ANKRD62: variants seen among roughly 807,000 people sequenced by gnomAD.
ANKRD62 encodes the protein ankyrin repeat domain-containing protein 62.
In ANKRD62, 61 loss-of-function variants were observed where a neutral mutation model predicts 98.8. The ratio of observed to expected loss-of-function variants is 0.62; its 90% confidence interval spans 0.50 to 0.76. The LOEUF (loss-of-function observed/expected upper bound fraction) is 0.76. Ranked by LOEUF, ANKRD62 falls within the 30% of genes least tolerant of loss-of-function variation. The pLI, the probability that ANKRD62 is intolerant of heterozygous loss-of-function variation, is 0.00. For synonymous variants in ANKRD62, 341 were observed against 367.9 expected, an observed-to-expected ratio of 0.93 and a Z score of 0.84; for missense variants, 933 against 1,082.9, an observed-to-expected ratio of 0.86 and a Z score of 1.94.
the ANKRD62 span, among the ~76,000 whole-genome samples, chr18:12,150,872 A>G: frequency 7.2e-5 from 11 of 152,178 alleles, no homozygotes; most frequent in East Asian, 3.9e-4. Flanking sequence ...CACTGACACT[A>G]TAAAGCAAGC....
At chr18:12,133,591 G>C (rs1443813532), downstream of ANKRD62, among the ~76,000 whole-genome samples, 1 of 152,076 alleles carries the variant, frequency 6.6e-6, no homozygotes, top group Non-Finnish European at 1.5e-5. Context: ...GGTGTGAAGT[G>C]GTACCTCATT....
At chr18:12,171,092 A>G in the ANKRD62 span, among the ~76,000 whole-genome samples, 1 of 151,916 alleles carries the variant, frequency 6.6e-6, no homozygotes, top group African/African-American at 2.4e-5. Flanking sequence ...TCTTTATGCA[A>G]TTTGCCAGTC....
At chr18:12,171,954 G>T in the ANKRD62 span, among the ~76,000 whole-genome samples, 1 of 152,218 alleles carries the variant, frequency 6.6e-6, no homozygotes, top group East Asian at 1.9e-4. Flanking sequence ...CATGTATCAC[G>T]TGGTTCTCAT....
chr18:12,173,392 A>G, the ANKRD62 span, among the ~76,000 whole-genome samples: 1 of 152,124 alleles, frequency 6.6e-6, no homozygotes, highest in African/African-American at 2.4e-5. Flanking sequence ...GTGTCATTGC[A>G]TGTGAAATCT....
the ANKRD62 span, among the ~76,000 whole-genome samples, chr18:12,165,624 T>A: frequency 6.6e-6 from 1 of 152,056 alleles, no homozygotes; most frequent in Non-Finnish European, 1.5e-5. Flanking sequence ...TGAGAAGTTG[T>A]GGTTATTGAT....
chr18:12,134,702 A>T (rs996935429), downstream of ANKRD62, among the ~76,000 whole-genome samples: 6 of 152,056 alleles, frequency 3.9e-5, no homozygotes, highest in African/African-American at 1.4e-4. Flanking sequence ...AAGGACATGA[A>T]CTCATCCTTT....
At chr18:12,166,926 A>C in the ANKRD62 span, among the ~76,000 whole-genome samples, 1 of 149,832 alleles carries the variant, frequency 6.7e-6, no homozygotes, top group Non-Finnish European at 1.5e-5. Context: ...CCCTGTGTCC[A>C]GGTGTTCTCA....
At chr18:12,106,387 G>T (rs1003429517) in intron 7 of ANKRD62, among the ~76,000 whole-genome samples, 1 of 152,122 alleles carries the variant, frequency 6.6e-6, no homozygotes, top group African/African-American at 2.4e-5. Flanking sequence ...ATCTTAAAAA[G>T]TAAAAGTAGA....
At chr18:12,141,446 T>C in the ANKRD62 span, among the ~76,000 whole-genome samples, 4 of 152,336 alleles carry the variant, frequency 2.6e-5, no homozygotes, top group Middle Eastern at 3.4e-3. Context: ...CTGGGAGCTG[T>C]AGACTTTGTG....
chr18:12,113,960 T>TAAA (rs1220481092), intron 8 of ANKRD62, among the ~76,000 whole-genome samples: 3 of 152,138 alleles, frequency 2.0e-5, no homozygotes, highest in Non-Finnish European at 4.4e-5. Flanking sequence ...TAGGTAGCCA[T>TAAA]AAAAAATGAG....
intron 7 of ANKRD62, 80 bp downstream of exon 7, chr18:12,103,308 C>G: frequency 1.3e-6 from 1 of 783,956 alleles, no homozygotes; most frequent in Non-Finnish European, 1.8e-6. Context: ...TTTGGACTAG[C>G]CTTTTAGAAT....
the ANKRD62 span, among the ~76,000 whole-genome samples, chr18:12,156,679 G>A: frequency 4.6e-5 from 7 of 152,040 alleles, no homozygotes; most frequent in Non-Finnish European, 2.9e-5. Flanking sequence ...TCTAATCAAA[G>A]TTTTAAAAAC....
the ANKRD62 span, among the ~76,000 whole-genome samples, chr18:12,145,036 G>A: frequency 5.3e-5 from 8 of 151,922 alleles, no homozygotes; most frequent in South Asian, 2.1e-4. Flanking sequence ...CCAGCTGCTC[G>A]GAAGGCTGAG....
chr18:12,180,942 C>CG, the ANKRD62 span, among the ~76,000 whole-genome samples: 1 of 135,940 alleles, frequency 7.4e-6, no homozygotes, highest in African/African-American at 2.7e-5. Flanking sequence ...TATCCCTCCC[C>CG]CCCCACCTCA....
At chr18:12,096,459 T>C (rs1909184455) in intron 4 of ANKRD62, among the ~76,000 whole-genome samples, 157 bp downstream of exon 4, 1 of 152,182 alleles carries the variant, frequency 6.6e-6, no homozygotes, top group South Asian at 2.1e-4. Context: ...AACAATTATT[T>C]GGACTGGGCA....
At chr18:12,170,255 T>C in the ANKRD62 span, among the ~76,000 whole-genome samples, 1 of 152,220 alleles carries the variant, frequency 6.6e-6, no homozygotes, top group African/African-American at 2.4e-5. Context: ...CTGCTTTCTC[T>C]TGTGGGCATT....
At chr18:12,123,040 G>A (rs11659489) in intron 11 of ANKRD62, among the ~76,000 whole-genome samples, 31,577 of 143,568 alleles carry the variant, frequency 0.22, 4,232 homozygotes, top group East Asian at 0.55. Context: ...AGTTTTTTTT[G>A]TTTGTTTGTT....
chr18:12,120,143 A>G (rs983888277), intron 10 of ANKRD62, among the ~76,000 whole-genome samples: 4 of 152,154 alleles, frequency 2.6e-5, no homozygotes, highest in Non-Finnish European at 5.9e-5. Context: ...CAAGTGTTCC[A>G]TAGGTACTTG....
At chr18:12,161,552 A>T in the ANKRD62 span, among the ~76,000 whole-genome samples, 2 of 152,104 alleles carry the variant, frequency 1.3e-5, no homozygotes, top group African/African-American at 4.8e-5. Flanking sequence ...TTATAGTCTT[A>T]CAGTCCTTTT....
Sources: gnomAD v4.1 joint callset for allele counts (sites outside exome capture counted in the v4.1 genomes callset) on GRCh38, gnomAD v4.1.1 for gene constraint, MANE v1.5 for transcripts, NCBI Gene and HGNC (gene_info 2026-07-23, HGNC 2026-07-21) for gene names.